The following LY9 variants were observed in gnomAD, a reference collection of about 807,000 sequenced individuals.
LY9 encodes the protein T-lymphocyte surface antigen Ly-9.
In LY9, 59 loss-of-function variants were observed where a neutral mutation model predicts 64.6. That is an observed-to-expected ratio of 0.91 (90% CI 0.74 to 1.13). The LOEUF (loss-of-function observed/expected upper bound fraction) is 1.13. Among genes scored for constraint, LY9 ranks in the 50% most tolerant of loss-of-function variants. The pLI, the probability that LY9 is intolerant of heterozygous loss-of-function variation, is 0.00. For synonymous variants in LY9, 281 were observed against 308.5 expected (o/e 0.91, Z 0.93); for missense variants, 789 against 797.2 (o/e 0.99, Z 0.12).
intron 4 of LY9, among the ~76,000 whole-genome samples, chr1:160,815,794 C>T (rs993837854): frequency 1.3e-5 from 2 of 152,202 alleles, no homozygotes; most frequent in African/African-American, 4.8e-5. Flanking sequence ...GACACTGTGG[C>T]CTCCAAGAAG....
chr1:160,803,762 C>A, intron 2 of LY9, among the ~76,000 whole-genome samples: 1 of 152,168 alleles, frequency 6.6e-6, no homozygotes, highest in East Asian at 1.9e-4. Context: ...AATCCTAGCA[C>A]TTTGGGAGAC....
In LY9 at chr1:160,816,685, G is replaced by A. The variant is rs2101808976; in HGVS notation, c.1164G>A (p.Gly388=). ...GCCTGACCTGCTCCGTGGAGGACGGGGGAAACACTGTCATGTACACATGGA... is the reference window on the plus strand; with the variant it reads ...GCCTGACCTGCTCCGTGGAGGACGGAGGAAACACTGTCATGTACACATGGA... The part of the protein sequence containing the change: ...RISLTCSVED[G]GNTVMYTWTP... Residue 388 remains glycine (G), a synonymous_variant, in exon 5 of 10, where the codon GGG becomes GGA. Coordinates refer to ENST00000263285, the MANE Select transcript of LY9 (RefSeq NM_002348.4). The A allele has an allele frequency of 6.2e-7, 1 of 1,614,162 alleles. No homozygotes were observed. The highest frequency in any genetic ancestry group is 1.1e-5 in the South Asian group (1 of 91,086).
At chr1:160,801,895 G>T (rs779264969) in intron 2 of LY9, 1 of 1,613,858 alleles carries the variant, frequency 6.2e-7, no homozygotes, top group African/African-American at 1.3e-5. Context: ...GCTGAGCCAC[G>T]TGTGAGCGTG....
At chr1:160,810,071 GT>G (rs1667349849) in intron 2 of LY9, 1 of 151,574 alleles carries the variant, frequency 6.6e-6, no homozygotes, top group Non-Finnish European at 1.5e-5. Context: ...TAGAGACAGG[GT>G]TTTGCCATGT....
At chr1:160,822,841 G>A (rs1668577458) in intron 7 of LY9, among the ~76,000 whole-genome samples, 2 of 152,294 alleles carry the variant, frequency 1.3e-5, no homozygotes, top group South Asian at 4.1e-4. Flanking sequence ...CAATTGTTAA[G>A]TATTTTTAAT....
intron 9 of LY9, among the ~76,000 whole-genome samples, chr1:160,825,988 A>G (rs1668832579): frequency 6.6e-6 from 1 of 152,142 alleles, no homozygotes; most frequent in Admixed American, 6.5e-5. Context: ...CACTCCATGC[A>G]ATCAAAAATC....
chr1:160,817,660 C>T (rs1668062033), intron 5 of LY9, among the ~76,000 whole-genome samples: 1 of 152,180 alleles, frequency 6.6e-6, no homozygotes. Context: ...TAGATATTCT[C>T]GTTTTTCCCC....
intron 2 of LY9, chr1:160,809,984 A>G (rs1454949538): frequency 6.6e-6 from 1 of 152,186 alleles, no homozygotes; most frequent in Non-Finnish European, 1.5e-5. Context: ...AGTCCAAACA[A>G]TTCACCCGTC....
At chr1:160,802,658 C>T in intron 2 of LY9, 1 of 985,378 alleles carries the variant, frequency 1.0e-6, no homozygotes, top group Non-Finnish European at 1.2e-6. Flanking sequence ...CTGCTTTCCT[C>T]AGCCTCCCCA....
At chr1:160,822,840 A>G (rs933547742) in intron 7 of LY9, among the ~76,000 whole-genome samples, 2 of 152,216 alleles carry the variant, frequency 1.3e-5, no homozygotes, top group African/African-American at 4.8e-5. Flanking sequence ...GCAATTGTTA[A>G]GTATTTTTAA....
intron 9 of LY9, among the ~76,000 whole-genome samples, chr1:160,824,928 C>CT (rs1397041954): frequency 7.2e-6 from 1 of 139,680 alleles, no homozygotes; most frequent in Non-Finnish European, 1.5e-5. Flanking sequence ...TACAGTGAGC[C>CT]AAGTTCGTGC....
At chr1:160,806,816 C>T (rs985829672) in intron 2 of LY9, among the ~76,000 whole-genome samples, 2 of 152,152 alleles carry the variant, frequency 1.3e-5, no homozygotes, top group East Asian at 1.9e-4. Flanking sequence ...AATACATTTT[C>T]TAATCAGCTC....
chr1:160,818,285 C>A lies in LY9; in HGVS notation c.1410C>A (p.Ile470=), dbSNP rs760022449. 2 of 1,614,110 alleles carry A rather than the reference C, an allele frequency of 1.2e-6. No individual in the cohort carries two copies. The highest frequency in any genetic ancestry group is 1.7e-6 in the Non-Finnish European group (2 of 1,180,000). ...TGGTTTGCCTTCTGTGCGTTGGGAT[C>A]TTCAGCTGGTGCATTTGGAAGCGAA... The part of the protein sequence containing the change: ...FLMVCLLCVG[I]FSWCIWKRKG... Residue 470 remains isoleucine, a synonymous_variant, in exon 6 of 10, where the codon ATC becomes ATA. Coordinates refer to ENST00000263285, the MANE Select transcript of LY9 (RefSeq NM_002348.4).
In LY9 at chr1:160,827,897, G is replaced by C; in HGVS notation, c.*81G>C. 1 of 1,061,124 alleles carries C rather than the reference G, an allele frequency of 9.4e-7. No homozygotes were observed. The highest frequency in any genetic ancestry group is 1.4e-6 in the Non-Finnish European group (1 of 716,442). 65.7% of individuals were successfully genotyped at this position (1,061,124 alleles called of 1,614,324 possible). A position where few individuals can be genotyped will look rare whatever the true frequency, so the allele number is the denominator to read the frequency against. On this transcript the variant is annotated 3_prime_UTR_variant, in exon 10 of 10. Coordinates refer to ENST00000263285, the MANE Select transcript of LY9 (RefSeq NM_002348.4). ...GACCTCATGGGGCCTGGGGCTCACA[G>C]ACAGAAGCACCTCAGAATTTCCTTC...
At position 160,816,728 on chromosome 1, in the gene LY9, G is replaced by A. The variant is rs1485441298; in HGVS notation, c.1207G>A (p.Ala403Thr). 10 of 1,614,272 alleles carry A rather than the reference G, an allele frequency of 6.2e-6. No homozygotes were observed. Among genetic ancestry groups the A allele is most frequent in the African/African-American group, 1.3e-5 (1 of 75,070 alleles). Residue 403 changes from alanine to threonine, a missense_variant, in exon 5 of 10, where the codon GCT (alanine) becomes ACT (threonine). Transcript: ENST00000263285. Reference protein sequence around the residue: ...MYTWTPLQKEAVVSQGESHLN... With the variant: ...MYTWTPLQKETVVSQGESHLN... ...CACATGGACCCCGCTGCAGAAGGAA[G>A]CTGTTGTGTCCCAAGGGGAATCACA...
intron 9 of LY9, 29 bp from the exon 10 acceptor site, chr1:160,827,719 A>G: frequency 6.3e-7 from 1 of 1,575,710 alleles, no homozygotes; most frequent in Non-Finnish European, 8.7e-7. Context: ...TTTATTAACC[A>G]TATTCTTTTG....
At chr1:160,796,374 C>G (rs1665858340) in intron 1 of LY9, 63 bp downstream of exon 1, 1 of 1,533,594 alleles carries the variant, frequency 6.5e-7, no homozygotes, top group Non-Finnish European at 8.8e-7. Context: ...AGTTGCATTC[C>G]CTGCCTGGGA....
intron 2 of LY9, among the ~76,000 whole-genome samples, chr1:160,805,228 G>A (rs1003631281): frequency 6.6e-6 from 1 of 150,976 alleles, no homozygotes; most frequent in Non-Finnish European, 1.5e-5. Context: ...TTTTCATGTA[G>A]GCATTTATTT....
intron 2 of LY9, among the ~76,000 whole-genome samples, chr1:160,808,181 CTACTT>C: frequency 6.6e-6 from 1 of 152,318 alleles, no homozygotes; most frequent in South Asian, 2.1e-4. Flanking sequence ...TCACAGCCCA[CTACTT>C]TACCCAGTCT....
Sources: allele counts gnomAD v4.1 joint callset (sites outside exome capture counted in the v4.1 genomes callset), GRCh38; gene constraint gnomAD v4.1.1; transcripts MANE v1.5; gene names NCBI Gene and HGNC (gene_info 2026-07-23, HGNC 2026-07-21).